The following NAALADL2 variants were observed in gnomAD, a reference collection of about 807,000 sequenced individuals.
NAALADL2 encodes the protein inactive N-acetylated-alpha-linked acidic dipeptidase-like protein 2.
A neutral mutation model predicts 87.2 loss-of-function variants in NAALADL2; 76 were observed. The observed-to-expected ratio is 0.87, with a 90% confidence interval of 0.72 to 1.05. NAALADL2 has a LOEUF of 1.05. Ranked by LOEUF, NAALADL2 falls within the 50% of genes least tolerant of loss-of-function variation. NAALADL2 has a pLI of 0.00. For synonymous variants in NAALADL2, 354 were observed against 331.0 expected (o/e 1.07, Z -0.75); for missense variants, 1,089 against 945.8 (o/e 1.15, Z -1.99).
rs374039517 is a variant in NAALADL2 at position 174,473,719 on chromosome 3, TA to T, written c.-184+32693del. On this transcript the variant is annotated intron_variant, in intron 1 of 3. Transcript: ENST00000434257. Reference sequence around the variant, plus strand: ...GATGGTGACAATATTGACTTTGGACTAAAAAATATATGTTCATTTGTTATGG... The same window carrying T: ...GATGGTGACAATATTGACTTTGGACTAAAAATATATGTTCATTTGTTATGG... 1.8e-3 allele frequency among the ~76,000 whole-genome samples: 280 copies of T among 152,252 alleles called. 1 individual carries two copies. The highest frequency in any genetic ancestry group is 6.4e-3 in the African/African-American group (268 of 41,570).
intron 1 of NAALADL2, among the ~76,000 whole-genome samples, chr3:175,050,144 C>T (rs996108803): frequency 3.9e-5 from 6 of 152,182 alleles, no homozygotes; most frequent in Non-Finnish European, 5.9e-5. Flanking sequence ...GCATCCTGTC[C>T]AGTGGTGGTT....
chr3:174,964,865 G>C (rs1045998725), intron 1 of NAALADL2, among the ~76,000 whole-genome samples: 2 of 150,488 alleles, frequency 1.3e-5, no homozygotes, highest in Admixed American at 1.3e-4. Context: ...GTATATATAT[G>C]TATATATGTA....
At chr3:175,218,468 ACT>A (rs1362763363) in intron 2 of NAALADL2, among the ~76,000 whole-genome samples, 2 of 148,504 alleles carry the variant, frequency 1.3e-5, no homozygotes, top group African/African-American at 2.6e-5. Context: ...TTTGTTTTAA[ACT>A]CTTTTTTTAT....
rs79833708 is a variant in NAALADL2 at position 174,448,953 on chromosome 3, C to T, written c.-184+7921C>T. 1.9e-3 allele frequency among the ~76,000 whole-genome samples: 282 copies of T among 152,148 alleles called. 2 individuals carry two copies. The East Asian group carries it at 0.032, about 18-fold the overall frequency. On this transcript the variant is annotated intron_variant, in intron 1 of 3. Transcript: ENST00000434257. ...AATGTAACTTTCTCAAGTTTTAAGA[C>T]GGGGTGGATCAATATCTATGTTAAT...
intron 1 of NAALADL2, among the ~76,000 whole-genome samples, chr3:174,447,182 T>C (rs1019738307): frequency 3.9e-5 from 6 of 152,146 alleles, no homozygotes; most frequent in African/African-American, 1.4e-4. Flanking sequence ...TTTTGTAATA[T>C]GTCATAGTTT....
At chr3:174,670,438 T>G in intron 2 of NAALADL2, among the ~76,000 whole-genome samples, 1 of 152,112 alleles carries the variant, frequency 6.6e-6, no homozygotes, top group East Asian at 1.9e-4. Flanking sequence ...AATTTGTGTC[T>G]TTTCCTATTA....
intron 3 of NAALADL2, among the ~76,000 whole-genome samples, chr3:174,795,921 C>T (rs1718029568): frequency 6.6e-6 from 1 of 152,162 alleles, no homozygotes; most frequent in Admixed American, 6.6e-5. Context: ...TTTATATCTG[C>T]ATACACATTT....
intron 12 of NAALADL2, among the ~76,000 whole-genome samples, chr3:175,741,238 A>C (rs1274351994): frequency 6.6e-6 from 1 of 152,162 alleles, no homozygotes; most frequent in Non-Finnish European, 1.5e-5. Flanking sequence ...CTGTTTGGTG[A>C]GGGTTCACTT....
intron 13 of NAALADL2, among the ~76,000 whole-genome samples, chr3:175,790,812 CTCTT>C (rs1324415305): frequency 1.3e-5 from 2 of 152,186 alleles, no homozygotes; most frequent in African/African-American, 4.8e-5. Flanking sequence ...AAAAAGATAA[CTCTT>C]TCTTTCACAC....
At chr3:174,658,140 G>A (rs1195111843) in intron 2 of NAALADL2, among the ~76,000 whole-genome samples, 1 of 152,108 alleles carries the variant, frequency 6.6e-6, no homozygotes, top group Non-Finnish European at 1.5e-5. Context: ...TGGATAAATA[G>A]TATGATTGTT....
chr3:174,626,782 G>T (rs1489046156), intron 2 of NAALADL2, among the ~76,000 whole-genome samples: 2 of 151,962 alleles, frequency 1.3e-5, no homozygotes, highest in Non-Finnish European at 2.9e-5. Flanking sequence ...AGCAAGAAAT[G>T]AAAGTGCGCT....
chr3:175,322,318 A>G (rs1284086442), intron 4 of NAALADL2, among the ~76,000 whole-genome samples: 3 of 133,800 alleles, frequency 2.2e-5, no homozygotes, highest in African/African-American at 9.1e-5. Context: ...CCTTCCTTAC[A>G]CCTTATACAA....
At chr3:175,274,760 T>G (rs1209961544) in intron 4 of NAALADL2, among the ~76,000 whole-genome samples, 1 of 152,216 alleles carries the variant, frequency 6.6e-6, no homozygotes, top group African/African-American at 2.4e-5. Context: ...GAATTGAAGG[T>G]GAGCTACCTC....
intron 3 of NAALADL2, among the ~76,000 whole-genome samples, chr3:174,754,759 A>G (rs905766610): frequency 2.0e-5 from 3 of 152,190 alleles, no homozygotes; most frequent in African/African-American, 4.8e-5. Flanking sequence ...GTTAACATCT[A>G]TAATTGTGGT....
intron 2 of NAALADL2, among the ~76,000 whole-genome samples, chr3:174,634,959 T>A (rs1722486456): frequency 6.6e-6 from 1 of 152,192 alleles, no homozygotes; most frequent in Non-Finnish European, 1.5e-5. Flanking sequence ...ATTAGTAGGA[T>A]TTTTAAACAG....
At chr3:175,417,469 T>G (rs568625223) in intron 5 of NAALADL2, among the ~76,000 whole-genome samples, 2 of 152,210 alleles carry the variant, frequency 1.3e-5, no homozygotes, top group East Asian at 3.9e-4. Flanking sequence ...TTTAAAACTA[T>G]TTTTGTTAAA....
chr3:175,561,640 T>A (rs949977621), intron 9 of NAALADL2, among the ~76,000 whole-genome samples: 1 of 152,160 alleles, frequency 6.6e-6, no homozygotes, highest in African/African-American at 2.4e-5. Context: ...ATAGAATTGG[T>A]CCATTATATC....
chr3:174,813,746 C>T (rs979700484), intron 3 of NAALADL2, among the ~76,000 whole-genome samples: 2 of 151,998 alleles, frequency 1.3e-5, no homozygotes, highest in African/African-American at 4.8e-5. Flanking sequence ...TGCACTACAA[C>T]CTTGAACTCC....
At chr3:175,681,174 C>A (rs1403064419) in intron 11 of NAALADL2, among the ~76,000 whole-genome samples, 1 of 152,128 alleles carries the variant, frequency 6.6e-6, no homozygotes, top group Non-Finnish European at 1.5e-5. Context: ...ATTTTTCATT[C>A]TCTATTTGTA....
Sources: allele counts gnomAD v4.1 joint callset (sites outside exome capture counted in the v4.1 genomes callset), GRCh38; gene constraint gnomAD v4.1.1; transcripts MANE v1.5; gene names NCBI Gene and HGNC (gene_info 2026-07-23, HGNC 2026-07-21).